The following SNTG1 variants were observed in gnomAD, a reference collection of about 807,000 sequenced individuals.
The protein encoded by SNTG1 is syntrophin gamma 1, also known as gamma-1-syntrophin.
A neutral mutation model predicts 74.7 loss-of-function variants in SNTG1; 39 were observed. That is an observed-to-expected ratio of 0.52 (90% confidence interval 0.40 to 0.68). SNTG1 has a LOEUF of 0.68. Ranked by LOEUF, SNTG1 falls within the 30% of genes least tolerant of loss-of-function variation. The pLI is 0.00. For missense variants in SNTG1, 685 were observed against 609.5 expected, an observed-to-expected ratio of 1.12 and a Z score of -1.30; for synonymous variants, 254 against 217.1, an observed-to-expected ratio of 1.17 and a Z score of -1.49.
chr8:50,153,822 G>T (rs879584822), intron 1 of SNTG1, among the ~76,000 whole-genome samples: 1 of 152,140 alleles, frequency 6.6e-6, no homozygotes, highest in Non-Finnish European at 1.5e-5. Flanking sequence ...CTACTGGGGG[G>T]TGCCTCCCAG....
chr8:50,232,010 AAAATG>A (rs2085653547), intron 2 of SNTG1, among the ~76,000 whole-genome samples: 1 of 151,414 alleles, frequency 6.6e-6, no homozygotes, highest in Non-Finnish European at 1.5e-5. Flanking sequence ...AAAATATTAA[AAAATG>A]AAATGAACAC....
intron 2 of SNTG1, among the ~76,000 whole-genome samples, chr8:50,373,539 A>G (rs10086867): frequency 0.45 from 68,461 of 152,030 alleles, 15,848 homozygotes; most frequent in African/African-American, 0.54. Context: ...AAAATGTACA[A>G]TATGTGCCTC....
At chr8:50,312,230 T>C (rs1034662018) in intron 2 of SNTG1, among the ~76,000 whole-genome samples, 1 of 152,120 alleles carries the variant, frequency 6.6e-6, no homozygotes, top group African/African-American at 2.4e-5. Context: ...AGTGATATTG[T>C]AAAATATTAA....
rs1246661393 is a variant in SNTG1, at chr8:50,615,805, C to T, written c.849+24888C>T. Among the ~76,000 whole-genome samples the T allele has an allele frequency of 2.0e-5, 3 of 152,122 alleles. No individual in the cohort carries two copies. The East Asian group carries it at 5.8e-4, about 29-fold the overall frequency. On this transcript the variant is annotated intron_variant, in intron 13 of 18. Coordinates refer to ENST00000642720, the MANE Select transcript of SNTG1 (RefSeq NM_018967.5). ...AATAGCAGCTGTAGGAAACAGACAC[C>T]ACATCTGGGGCTGCAAAGATACAGG...
At chr8:50,056,158 G>A (rs1159190715) in intron 1 of SNTG1, among the ~76,000 whole-genome samples, 7 of 151,996 alleles carry the variant, frequency 4.6e-5, no homozygotes, top group African/African-American at 1.2e-4. Context: ...TTGTTTCCCC[G>A]GTACTCCTGC....
chr8:50,286,982 C>A (rs762783768), intron 2 of SNTG1: 6 of 152,162 alleles, frequency 3.9e-5, no homozygotes, highest in Non-Finnish European at 8.8e-5. Context: ...TCATTAATTT[C>A]TTTTTCTGTC....
chr8:50,730,906 T>A (rs2095511375), intron 17 of SNTG1, among the ~76,000 whole-genome samples: 1 of 152,132 alleles, frequency 6.6e-6, no homozygotes, highest in South Asian at 2.1e-4. Context: ...AGGAAAAAAC[T>A]TTGCAATCTA....
At position 50,795,336 on chromosome 8, in the gene SNTG1, T is replaced by A. The variant is rs1802760119; in HGVS notation, c.*2507T>A. The stretch of plus-strand genomic sequence containing the variant: ...TTAGTATTTAATGTTTTCTTTACAA[T>A]GTGGTGATTAGTCATTGGCATTTGT... On this transcript the variant is annotated 3_prime_UTR_variant, in exon 19 of 19. Coordinates refer to ENST00000642720, the MANE Select transcript of SNTG1 (RefSeq NM_018967.5). 1 of 152,078 alleles carries A rather than the reference T, an allele frequency of 6.6e-6. No homozygotes were observed. Among genetic ancestry groups the A allele is most frequent in the South Asian group, 2.1e-4 (1 of 4,838 alleles). The allele number at this position is 152,078 out of a possible 1,614,324, so 9.4% of individuals were successfully genotyped here.
At chr8:50,380,058 C>T (rs1244338200) in intron 2 of SNTG1, among the ~76,000 whole-genome samples, 2 of 152,170 alleles carry the variant, frequency 1.3e-5, no homozygotes, top group Admixed American at 6.5e-5. Flanking sequence ...GAAATCACCT[C>T]GGGACGTTTA....
chr8:50,072,830 A>G (rs1821493137), intron 1 of SNTG1, among the ~76,000 whole-genome samples: 1 of 152,246 alleles, frequency 6.6e-6, no homozygotes, highest in Non-Finnish European at 1.5e-5. Flanking sequence ...TTCCTAGTGC[A>G]TATTCCGGTT....
chr8:50,088,251 A>G (rs1388235157), intron 1 of SNTG1, among the ~76,000 whole-genome samples: 8 of 151,074 alleles, frequency 5.3e-5, no homozygotes, highest in Admixed American at 4.6e-4. Context: ...GATGGGACGT[A>G]TTTCAAAATA....
chr8:50,092,177 C>T (rs1469368468), intron 1 of SNTG1, among the ~76,000 whole-genome samples: 3 of 152,102 alleles, frequency 2.0e-5, no homozygotes, highest in East Asian at 1.9e-4. Flanking sequence ...TTAAGCTCCC[C>T]GTTCCTGGAA....
At chr8:50,646,632 G>C (rs1320900299) in intron 13 of SNTG1, among the ~76,000 whole-genome samples, 1 of 152,090 alleles carries the variant, frequency 6.6e-6, no homozygotes, top group Non-Finnish European at 1.5e-5. Flanking sequence ...CACCTGAAAT[G>C]CTCCCTCCTT....
chr8:50,365,115 A>T (rs1395403392), intron 2 of SNTG1, among the ~76,000 whole-genome samples: 1 of 152,160 alleles, frequency 6.6e-6, no homozygotes, highest in Non-Finnish European at 1.5e-5. Flanking sequence ...GTGAGAGTCA[A>T]TTAATTTCCA....
chr8:49,935,202 AGT>A (rs140067006), intron 1 of SNTG1, among the ~76,000 whole-genome samples: 12,039 of 133,706 alleles, frequency 0.09, 460 homozygotes, highest in African/African-American at 0.14. Flanking sequence ...GCCAAGCAGA[AGT>A]GTGTGTGTGT....
chr8:50,104,108 A>G lies in SNTG1; in HGVS notation c.-102-68453A>G, dbSNP rs572707453. 4.6e-5 allele frequency among the ~76,000 whole-genome samples: 7 copies of G among 151,996 alleles called. No individual in the cohort carries two copies. In the East Asian group the frequency reaches 1.2e-3, roughly 25 times the overall value. On this transcript the variant is annotated intron_variant, in intron 1 of 18. Coordinates refer to ENST00000642720, the MANE Select transcript of SNTG1 (RefSeq NM_018967.5). The stretch of plus-strand genomic sequence containing the variant: ...GTTAGGGAGGAGTCCCCCTTTTTCT[A>G]TTGATTGGAATAGTTTCAGAAGGAA...
At chr8:50,415,121 C>A (rs1312085816) in intron 4 of SNTG1, among the ~76,000 whole-genome samples, 1 of 152,120 alleles carries the variant, frequency 6.6e-6, no homozygotes, top group African/African-American at 2.4e-5. Context: ...AACAAAACTT[C>A]TCACCTTAAA....
intron 1 of SNTG1, among the ~76,000 whole-genome samples, chr8:50,142,558 G>T (rs2081702222): frequency 6.6e-6 from 1 of 151,752 alleles, no homozygotes; most frequent in African/African-American, 2.4e-5. Context: ...TTAAGAAAAG[G>T]TAACCAGAAG....
intron 2 of SNTG1, among the ~76,000 whole-genome samples, chr8:50,264,570 A>C (rs1259017304): frequency 6.6e-6 from 1 of 151,462 alleles, no homozygotes. Context: ...CCTCCGTCTC[A>C]AAATAAAAAA....
Sources: gnomAD v4.1 joint callset for allele counts (sites outside exome capture counted in the v4.1 genomes callset) on GRCh38, gnomAD v4.1.1 for gene constraint, MANE v1.5 for transcripts, NCBI Gene and HGNC (gene_info 2026-07-23, HGNC 2026-07-21) for gene names.